Variants in CD164 observed in about 807,000 individuals in gnomAD.
CD164 encodes the protein CD164 molecule, also known as sialomucin core protein 24.
CD164 carries 11 observed loss-of-function variants against 24.6 expected under a neutral mutation model. The observed-to-expected ratio is 0.45, with a 90% CI of 0.28 to 0.74. The LOEUF (loss-of-function observed/expected upper bound fraction) is 0.74. Ranked by LOEUF, CD164 falls within the 30% of genes least tolerant of loss-of-function variation. The pLI is 0.13. For missense variants in CD164, 295 were observed against 243.7 expected (o/e 1.21, Z -1.40); for synonymous variants, 126 against 100.3 (o/e 1.26, Z -1.53).
chr6:109,377,320 A>G (rs1771466670), intron 3 of CD164, among the ~76,000 whole-genome samples: 1 of 152,196 alleles, frequency 6.6e-6, no homozygotes, highest in African/African-American at 2.4e-5. Context: ...TTCCTATTCA[A>G]TTATTATCTA....
chr6:109,381,683 C>G (rs1771757094), intron 1 of CD164: 2 of 672,648 alleles, frequency 3.0e-6, no homozygotes, highest in Non-Finnish European at 5.4e-6. Flanking sequence ...TTCTCAGACT[C>G]AAGTCTGAGA....
chr6:109,381,875 G>A (rs1196650726), intron 1 of CD164: 3 of 485,104 alleles, frequency 6.2e-6, no homozygotes, highest in Non-Finnish European at 1.1e-5. Flanking sequence ...CCCCGCGGAA[G>A]GAAGCCACGT....
chr6:109,376,717 T>TG, intron 3 of CD164, among the ~76,000 whole-genome samples: 1 of 152,366 alleles, frequency 6.6e-6, no homozygotes, highest in South Asian at 2.1e-4. Flanking sequence ...ACAGTTTTCC[T>TG]TTAAATCAGT....
At chr6:109,379,743 A>T (rs1771629759) in intron 1 of CD164, 81 bp from the exon 2 acceptor site, 1 of 1,031,104 alleles carries the variant, frequency 9.7e-7, no homozygotes, top group African/African-American at 1.6e-5. Flanking sequence ...TATCTTTTTG[A>T]ACAATAAGCA....
chr6:109,371,869 T>C (rs775767840), intron 4 of CD164: 11 of 152,614 alleles, frequency 7.2e-5, no homozygotes, highest in Admixed American at 2.0e-4. Flanking sequence ...ATGCTTATGC[T>C]GGTGGGCCGC....
chr6:109,382,142 G>A (rs1771792950), intron 1 of CD164, 62 bp downstream of exon 1: 9 of 1,321,228 alleles, frequency 6.8e-6, no homozygotes, highest in Non-Finnish European at 4.9e-6. Flanking sequence ...CCCGCACGGC[G>A]AGGAGGCAGT....
chr6:109,378,444 G>GA (rs35458975), intron 2 of CD164, among the ~76,000 whole-genome samples: 45,971 of 146,652 alleles, frequency 0.31, 7,196 homozygotes, highest in Middle Eastern at 0.43. Flanking sequence ...CTGTCTCAGG[G>GA]AAAAAAAAAA....
At chr6:109,381,913 G>T in intron 1 of CD164, 1 of 440,400 alleles carries the variant, frequency 2.3e-6, no homozygotes, top group Non-Finnish European at 4.0e-6. Context: ...AGTGAGGCTA[G>T]GAATTACGAT....
At position 109,382,360 on chromosome 6, in the gene CD164, A is replaced by G; in HGVS notation, c.19T>C (p.Ser7Pro). The G allele has an allele frequency of 1.3e-6, 2 of 1,551,640 alleles. No homozygotes were observed. Among genetic ancestry groups the G allele is most frequent in the East Asian group, 2.4e-5 (1 of 41,438 alleles). The change falls in exon 1 of 6, where the codon TCA becomes CCA. Residue 7 changes from serine to proline, a missense_variant. Coordinates refer to ENST00000310786, the MANE Select transcript of CD164 (RefSeq NM_006016.6). MSRLSRSLLWAATCLGV... is the reference protein window; with the variant it reads MSRLSRPLLWAATCLGV... ...AGGCAGGTGGCGGCCCAAAGCAGTG[A>G]GCGGGAGAGCCGCGACATCGTGTCC...
In CD164 at chr6:109,367,896, T is replaced by C. The variant is rs1770855740; in HGVS notation, c.*955A>G. 6.3e-6 allele frequency: 1 copy of C among 158,384 alleles called. No individual in the cohort carries two copies. The highest frequency in any genetic ancestry group is 1.9e-4 in the South Asian group (1 of 5,200). 9.8% of individuals were successfully genotyped at this position (158,384 alleles called of 1,614,324 possible). ...TCAAGGTACAATAGTGCTAGCATACTTTTTTTTAAAGTACAAAGGAAAGTG... is the reference window on the plus strand; with the variant it reads ...TCAAGGTACAATAGTGCTAGCATACCTTTTTTTAAAGTACAAAGGAAAGTG... On this transcript the variant is annotated 3_prime_UTR_variant, in exon 6 of 6. Coordinates refer to ENST00000310786, the MANE Select transcript of CD164 (RefSeq NM_006016.6).
chr6:109,369,236 CAAATAT>C (rs977778550), intron 5 of CD164, among the ~76,000 whole-genome samples: 2 of 152,072 alleles, frequency 1.3e-5, no homozygotes, highest in African/African-American at 4.8e-5. Flanking sequence ...TGTACTAGTA[CAAATAT>C]AAAAACAATG....
chr6:109,382,270 C>A lies in CD164; in HGVS notation c.109G>T (p.Ala37Ser). 6.3e-7 allele frequency: 1 copy of A among 1,589,868 alleles called. No individual in the cohort carries two copies. Among genetic ancestry groups the A allele is most frequent in the Non-Finnish European group, 8.5e-7 (1 of 1,170,726 alleles). Residue 37 changes from alanine (A) to serine (S), a missense_variant, in exon 1 of 6, where the codon GCG (alanine) becomes TCG (serine). Physicochemically the swap from Ala to Ser is moderately conservative, Grantham distance 99 (BLOSUM62 1). Coordinates refer to ENST00000310786, the MANE Select transcript of CD164 (RefSeq NM_006016.6). ...GCCGAGGTTACGTTGGAGATGGGCG[C>A]TAAAGTCGTCACGTTCGGGTGCTGG... ...TTQHPNVTTL[A>S]PISNVTSAPV... is the part of the protein sequence containing the mutation.
At chr6:109,380,197 G>A (rs998616062) in intron 1 of CD164, 1 of 152,274 alleles carries the variant, frequency 6.6e-6, no homozygotes, top group Admixed American at 6.6e-5. Context: ...ACTCTCGACA[G>A]GATCCTCCAC....
chr6:109,379,017 G>T (rs937239960), intron 2 of CD164, among the ~76,000 whole-genome samples: 1 of 152,060 alleles, frequency 6.6e-6, no homozygotes, highest in Non-Finnish European at 1.5e-5. Flanking sequence ...TTCAATGTAC[G>T]TCCCTTTAGC....
chr6:109,366,801 G>A lies in CD164; in HGVS notation c.*2050C>T, dbSNP rs367979149. The stretch of plus-strand genomic sequence containing the variant: ...AAAGTTAGGGGAAAAAAGTAAAAAG[G>A]CTGTGAGTTCTGTTGCAAGAGCTCA... On this transcript the variant is annotated 3_prime_UTR_variant, in exon 6 of 6. Transcript: ENST00000310786. The A allele has an allele frequency of 6.6e-5, 10 of 152,610 alleles. No homozygotes were observed. The highest frequency in any genetic ancestry group is 1.9e-4 in the East Asian group (1 of 5,182). 9.5% of individuals were successfully genotyped at this position (152,610 alleles called of 1,614,324 possible).
At chr6:109,376,435 T>C (rs2115161221) in intron 3 of CD164, among the ~76,000 whole-genome samples, 1 of 152,344 alleles carries the variant, frequency 6.6e-6, no homozygotes, top group Admixed American at 6.5e-5. Flanking sequence ...TTCTTCATCC[T>C]GCTGGCAGGA....
intron 4 of CD164, chr6:109,372,997 T>C (rs1162373855): frequency 7.4e-6 from 1 of 135,940 alleles, no homozygotes; most frequent in Non-Finnish European, 1.7e-5. Context: ...ATACCTCTGT[T>C]GACCTACTGT....
At chr6:109,377,767 T>C (rs1289963136) in intron 3 of CD164, 133 bp downstream of exon 3, 5 of 696,580 alleles carry the variant, frequency 7.2e-6, no homozygotes, top group Middle Eastern at 2.9e-4. Context: ...GAATATACTA[T>C]TCATATTCCA....
intron 3 of CD164, 39 bp downstream of exon 3, chr6:109,377,861 T>A: frequency 6.7e-7 from 1 of 1,488,358 alleles, no homozygotes; most frequent in Non-Finnish European, 9.4e-7. Flanking sequence ...TCCTCACCTC[T>A]CTGCGGTCAG....
Sources: gnomAD v4.1 joint callset for allele counts (sites outside exome capture counted in the v4.1 genomes callset) on GRCh38, gnomAD v4.1.1 for gene constraint, MANE v1.5 for transcripts, NCBI Gene and HGNC (gene_info 2026-07-23, HGNC 2026-07-21) for gene names.